The following PTPRK variants were observed in gnomAD, a reference collection of about 807,000 sequenced individuals.
PTPRK encodes receptor-type tyrosine-protein phosphatase kappa.
In PTPRK, 75 loss-of-function variants were observed where a neutral mutation model predicts 178.0. That is an observed-to-expected ratio of 0.42 (90% confidence interval 0.35 to 0.51). PTPRK has a LOEUF of 0.51. PTPRK is among the 20% of genes least tolerant of loss of function. The pLI is 0.02. For synonymous variants in PTPRK, 637 were observed against 620.6 expected, an observed-to-expected ratio of 1.03 and a Z score of -0.39; for missense variants, 1,441 against 1,797.8, an observed-to-expected ratio of 0.80 and a Z score of 3.59.
At chr6:128,262,988 C>G (rs1316872381) in intron 3 of PTPRK, among the ~76,000 whole-genome samples, 1 of 151,864 alleles carries the variant, frequency 6.6e-6, no homozygotes. Context: ...CTTCATACAC[C>G]CAGCTGATCT....
intron 3 of PTPRK, among the ~76,000 whole-genome samples, chr6:128,296,204 G>A (rs563662796): frequency 2.6e-5 from 4 of 152,018 alleles, no homozygotes; most frequent in African/African-American, 9.7e-5. Context: ...GGACAGGCAT[G>A]CTTCCACCAC....
chr6:128,379,104 G>A (rs1331293275), intron 2 of PTPRK, among the ~76,000 whole-genome samples: 2 of 152,052 alleles, frequency 1.3e-5, no homozygotes, highest in African/African-American at 2.4e-5. Flanking sequence ...AGTCTGTCTA[G>A]TTTCTGACTA....
intron 6 of PTPRK, among the ~76,000 whole-genome samples, chr6:128,202,880 G>A (rs1031953576): frequency 2.6e-5 from 4 of 152,078 alleles, no homozygotes; most frequent in African/African-American, 7.2e-5. Context: ...TTAAGAAGGC[G>A]GGATTCTTCC....
intron 1 of PTPRK, among the ~76,000 whole-genome samples, chr6:128,444,983 T>C (rs1846751376): frequency 6.6e-6 from 1 of 151,866 alleles, no homozygotes; most frequent in Non-Finnish European, 1.5e-5. Flanking sequence ...ATACCATAAA[T>C]ATACTTACAT....
At chr6:128,486,791 A>C (rs1214600165) in intron 1 of PTPRK, among the ~76,000 whole-genome samples, 1 of 151,764 alleles carries the variant, frequency 6.6e-6, no homozygotes, top group Non-Finnish European at 1.5e-5. Context: ...AAAGAAAGAC[A>C]GAAAGACAGA....
chr6:128,305,621 C>G (rs1334738459), intron 3 of PTPRK, among the ~76,000 whole-genome samples: 1 of 152,138 alleles, frequency 6.6e-6, no homozygotes, highest in Admixed American at 6.5e-5. Context: ...GAAAGGCTAT[C>G]CATGCAGGTT....
At chr6:128,485,600 C>T (rs1328012449) in intron 1 of PTPRK, among the ~76,000 whole-genome samples, 3 of 152,086 alleles carry the variant, frequency 2.0e-5, no homozygotes, top group Non-Finnish European at 2.9e-5. Flanking sequence ...TAAAAGAAGA[C>T]TATTTTGCAC....
intron 29 of PTPRK, 48 bp from the exon 30 acceptor site, chr6:127,970,328 T>G (rs1351865553): frequency 6.9e-7 from 1 of 1,447,430 alleles, no homozygotes; most frequent in South Asian, 1.2e-5. Flanking sequence ...AGAAAGAGAC[T>G]AATGTTGAAT....
intron 1 of PTPRK, among the ~76,000 whole-genome samples, chr6:128,479,363 T>C (rs1172085944): frequency 1.3e-5 from 2 of 152,140 alleles, no homozygotes; most frequent in African/African-American, 2.4e-5. Flanking sequence ...TGTAGATCAC[T>C]GCGAGCTTGC....
At position 128,237,558 on chromosome 6, in the gene PTPRK, T is replaced by C. The variant is rs540625214; in HGVS notation, c.693+2477A>G. 2.1e-3 allele frequency among the ~76,000 whole-genome samples: 313 copies of C among 152,332 alleles called. 1 individual carries two copies. Among genetic ancestry groups the C allele is most frequent in the African/African-American group, 7.2e-3 (298 of 41,582 alleles). ...AATAACGTAAAGACCTAGTTTAGCATCTTACAGCTGGAAGGGATTTTAGTG... is the reference window on the plus strand; with the variant it reads ...AATAACGTAAAGACCTAGTTTAGCACCTTACAGCTGGAAGGGATTTTAGTG... On this transcript the variant is annotated intron_variant, in intron 5 of 29. Transcript: ENST00000368226.
intron 3 of PTPRK, among the ~76,000 whole-genome samples, chr6:128,282,624 A>G (rs1412041373): frequency 2.0e-5 from 3 of 152,212 alleles, no homozygotes; most frequent in Admixed American, 1.3e-4. Flanking sequence ...GTTTACATCA[A>G]TCTCTACAAA....
At chr6:128,213,660 G>T (rs1049314178) in intron 6 of PTPRK, among the ~76,000 whole-genome samples, 1 of 151,932 alleles carries the variant, frequency 6.6e-6, no homozygotes, top group Admixed American at 6.6e-5. Context: ...AATCAATACT[G>T]CATGGTATTA....
At chr6:128,268,931 T>C (rs1819366977) in intron 3 of PTPRK, among the ~76,000 whole-genome samples, 3 of 152,052 alleles carry the variant, frequency 2.0e-5, no homozygotes, top group African/African-American at 7.2e-5. Flanking sequence ...TTAAATATTC[T>C]ATTGAGAGAT....
chr6:128,116,722 G>C (rs1204424941), intron 7 of PTPRK, among the ~76,000 whole-genome samples: 1 of 152,208 alleles, frequency 6.6e-6, no homozygotes, highest in African/African-American at 2.4e-5. Flanking sequence ...GGCAAGGTAT[G>C]TAATCTTTCT....
intron 1 of PTPRK, among the ~76,000 whole-genome samples, chr6:128,448,140 C>T (rs1206134167): frequency 1.3e-5 from 2 of 152,130 alleles, no homozygotes; most frequent in Non-Finnish European, 2.9e-5. Flanking sequence ...ACACGCTATA[C>T]TGACTCTCCC....
In PTPRK at chr6:128,067,564, G is replaced by T; in HGVS notation, c.2112C>A (p.Arg704=). The change falls in exon 12 of 30, where the codon CGC becomes CGA. Residue 704 remains arginine, a synonymous_variant. Coordinates refer to ENST00000368226, the MANE Select transcript of PTPRK (RefSeq NM_002844.4). ...QGFWNPPLAP[R]KGYNIYFQAM... is the part of the protein sequence containing the mutation. ...CCTGGAAATAGATGTTGTATCCTTT[G>T]CGCGGAGCCAAAGGAGGGTTCCAAA... 4 of 1,609,388 alleles carry T rather than the reference G, an allele frequency of 2.5e-6. No individual in the cohort carries two copies. The highest frequency in any genetic ancestry group is 3.4e-6 in the Non-Finnish European group (4 of 1,176,886).
chr6:128,520,316 G>A lies in PTPRK; in HGVS notation c.43C>T (p.Leu15Phe), dbSNP rs767726156. Residue 15 changes from leucine (L) to phenylalanine (F), a missense_variant, in exon 1 of 30, where the codon CTC (leucine) becomes TTC (phenylalanine). By Grantham distance (22) the Leu-to-Phe change is conservative. This residue lies in a region of PTPRK where 158 missense variants were observed against 188.0 expected (regional missense o/e 0.84). Transcript: ENST00000368226. ...AAAALPAFVA[L>F]LLLSPWPLLG... The stretch of plus-strand genomic sequence containing the variant: ...AGAGGCCAAGGAGAGAGGAGCAAGA[G>A]CGCCACAAAAGCAGGCAGCGCCGCC... 4 of 1,610,602 alleles carry A rather than the reference G, an allele frequency of 2.5e-6. No homozygotes were observed. Among genetic ancestry groups the A allele is most frequent in the Non-Finnish European group, 2.5e-6 (3 of 1,178,536 alleles).
At chr6:128,191,993 G>A (rs1005050210) in intron 6 of PTPRK, among the ~76,000 whole-genome samples, 6 of 152,100 alleles carry the variant, frequency 3.9e-5, no homozygotes, top group Non-Finnish European at 8.8e-5. Context: ...GTGACTACAC[G>A]AATTGCTCAC....
chr6:128,286,425 TTG>T (rs1822516788), intron 3 of PTPRK, among the ~76,000 whole-genome samples: 3 of 152,106 alleles, frequency 2.0e-5, no homozygotes, highest in Non-Finnish European at 4.4e-5. Flanking sequence ...TTTTTTCTGT[TTG>T]TGTTTCATTT....
Sources: gnomAD v4.1 joint callset for allele counts (sites outside exome capture counted in the v4.1 genomes callset) on GRCh38, gnomAD v4.1.1 for gene constraint, gnomAD v4.1.1 regional missense constraint, MANE v1.5 for transcripts, NCBI Gene and HGNC (gene_info 2026-07-23, HGNC 2026-07-21) for gene names.